The following OSBPL6 variants were observed in gnomAD, a reference collection of about 807,000 sequenced individuals.
OSBPL6 encodes the protein oxysterol-binding protein-related protein 6.
Under a neutral mutation model 125.8 loss-of-function variants are expected in OSBPL6, and 49 were observed. The ratio of observed to expected loss-of-function variants is 0.39; its 90% CI spans 0.31 to 0.49. The LOEUF (loss-of-function observed/expected upper bound fraction) is 0.49, where lower values mean the gene tolerates loss of function less well. OSBPL6 is among the 20% of genes least tolerant of loss of function. OSBPL6 has a pLI of 0.88. For synonymous variants in OSBPL6, 394 were observed against 391.8 expected, an observed-to-expected ratio of 1.01 and a Z score of -0.07; for missense variants, 986 against 1,135.4, an observed-to-expected ratio of 0.87 and a Z score of 1.89.
chr2:178,223,225 A>G (rs772503322), intron 1 of OSBPL6, among the ~76,000 whole-genome samples: 1 of 152,216 alleles, frequency 6.6e-6, no homozygotes, highest in Non-Finnish European at 1.5e-5. Flanking sequence ...GTGATTTTAC[A>G]TTGTCTTAAA....
chr2:178,294,264 A>G (rs995015756), intron 2 of OSBPL6, among the ~76,000 whole-genome samples: 1 of 152,166 alleles, frequency 6.6e-6, no homozygotes, highest in African/African-American at 2.4e-5. Flanking sequence ...GGTTATACCA[A>G]TTTTGAACCT....
chr2:178,262,780 TTCA>T (rs2092104458), intron 1 of OSBPL6, among the ~76,000 whole-genome samples: 1 of 152,178 alleles, frequency 6.6e-6, no homozygotes. Context: ...GGCAACTATA[TTCA>T]TCATCCTAGT....
At chr2:178,244,835 C>T (rs1439928943) in intron 1 of OSBPL6, among the ~76,000 whole-genome samples, 1 of 152,142 alleles carries the variant, frequency 6.6e-6, no homozygotes, top group Non-Finnish European at 1.5e-5. Context: ...CTGTACAGAA[C>T]AGCAAAAATA....
intron 1 of OSBPL6, among the ~76,000 whole-genome samples, chr2:178,251,917 T>G (rs550009167): frequency 2.0e-5 from 3 of 152,304 alleles, no homozygotes; most frequent in Admixed American, 6.5e-5. Flanking sequence ...GAAATATGCT[T>G]TCTTGTATTT....
At position 178,384,154 on chromosome 2, in the gene OSBPL6, G is replaced by T; in HGVS notation, c.1991G>T (p.Gly664Val). Residue 664 changes from glycine (G) to valine (V), a missense_variant, in exon 18 of 25, where the codon GGA becomes GTA. Coordinates refer to ENST00000190611, the MANE Select transcript of OSBPL6 (RefSeq NM_032523.4). ...ETYECIREDK[G>V]FRFFSEQVSH... ...TATGAATGCATTAGAGAAGACAAGG[G>T]ATTCCGCTTTTTCTCAGAACAGGTA... The T allele has an allele frequency of 6.2e-7, 1 of 1,613,956 alleles. No homozygotes were observed. The highest frequency in any genetic ancestry group is 8.5e-7 in the Non-Finnish European group (1 of 1,179,882).
At chr2:178,390,942 T>G in intron 21 of OSBPL6, 131 bp from the exon 22 acceptor site, 58 of 1,214,356 alleles carry the variant, frequency 4.8e-5, no homozygotes, top group Non-Finnish European at 6.2e-5. Flanking sequence ...TAAAACGTTT[T>G]GAGATTTCTG....
rs147093104 is a variant in OSBPL6, at chr2:178,319,042, G to A, written c.103-5135G>A. ...CATTTTACAGATAGAGGACACTGAG[G>A]TTGAAAGAGGTTAATGGTTTGTCTA... On this transcript the variant is annotated intron_variant, in intron 3 of 24. Transcript: ENST00000190611. 2.4e-4 allele frequency among the ~76,000 whole-genome samples: 36 copies of A among 152,300 alleles called. No homozygotes were observed. The East Asian group carries it at 6.7e-3, about 29-fold the overall frequency.
rs139202035 is a variant in OSBPL6, at chr2:178,275,917, C to T, written c.-350-9010C>T. 3.4e-3 allele frequency among the ~76,000 whole-genome samples: 524 copies of T among 152,216 alleles called. 3 individuals are homozygous for T. The highest frequency in any genetic ancestry group is 0.012 in the African/African-American group (496 of 41,544). On this transcript the variant is annotated intron_variant, in intron 1 of 24. Coordinates refer to ENST00000190611, the MANE Select transcript of OSBPL6 (RefSeq NM_032523.4). ...AGAGCTACTTTTTCCAGATGAGGAA[C>T]CCGAGGCACAGAGAAGTAAAATAAT...
chr2:178,351,565 G>A (rs890738793), intron 12 of OSBPL6, among the ~76,000 whole-genome samples: 3 of 152,098 alleles, frequency 2.0e-5, no homozygotes, highest in Non-Finnish European at 4.4e-5. Context: ...AAAAAAATTG[G>A]TGAAAGAAAT....
At chr2:178,256,505 A>G (rs1323979477) in intron 1 of OSBPL6, among the ~76,000 whole-genome samples, 2 of 152,176 alleles carry the variant, frequency 1.3e-5, no homozygotes, top group African/African-American at 4.8e-5. Flanking sequence ...GCAGCTCCTA[A>G]AACCCAGCAG....
chr2:178,211,563 A>C (rs2089863148), intron 1 of OSBPL6, among the ~76,000 whole-genome samples: 1 of 152,182 alleles, frequency 6.6e-6, no homozygotes, highest in African/African-American at 2.4e-5. Flanking sequence ...TCCTGACCTC[A>C]GCCAGATGCC....
chr2:178,252,968 A>G (rs1318906091), intron 1 of OSBPL6, among the ~76,000 whole-genome samples: 1 of 152,124 alleles, frequency 6.6e-6, no homozygotes, highest in Non-Finnish European at 1.5e-5. Flanking sequence ...CATCCCCTAC[A>G]GAGTGGACTA....
At chr2:178,320,504 G>A in intron 3 of OSBPL6, 1 of 1,239,488 alleles carries the variant, frequency 8.1e-7, no homozygotes, top group Non-Finnish European at 1.2e-6. Context: ...GATTTTAGAA[G>A]AATAATTAAC....
In OSBPL6 at chr2:178,384,059, A is replaced by G. The variant is rs772708019; in HGVS notation, c.1896A>G (p.Ala632=). ...YERMVLVAAF[A]VSGYCSTYFR... ...AACAGGTTCTCGTTGCCGCATTTGC[A>G]GTTTCAGGATACTGCTCCACCTATT... The change falls in exon 18 of 25, where the codon GCA becomes GCG. Residue 632 remains alanine (A), a synonymous_variant. Coordinates refer to ENST00000190611, the MANE Select transcript of OSBPL6 (RefSeq NM_032523.4). 2 of 1,613,784 alleles carry G rather than the reference A, an allele frequency of 1.2e-6. No homozygotes were observed. The highest frequency in any genetic ancestry group is 3.3e-5 in the Admixed American group (2 of 59,982).
chr2:178,380,913 T>C (rs1454417269), intron 15 of OSBPL6, among the ~76,000 whole-genome samples: 1 of 152,178 alleles, frequency 6.6e-6, no homozygotes, highest in Non-Finnish European at 1.5e-5. Context: ...TATATAAAGA[T>C]AGATGTGTCA....
At chr2:178,337,949 C>CTTTTT (rs755944128) in intron 9 of OSBPL6, among the ~76,000 whole-genome samples, 1 of 139,150 alleles carries the variant, frequency 7.2e-6, no homozygotes, top group Non-Finnish European at 1.5e-5. Flanking sequence ...TCAGTATTCT[C>CTTTTT]TTTTTTTTTT....
intron 13 of OSBPL6, 140 bp downstream of exon 13, chr2:178,361,955 A>T (rs1692401796): frequency 9.5e-7 from 1 of 1,051,422 alleles, no homozygotes; most frequent in Non-Finnish European, 1.3e-6. Context: ...AAAAGACTGC[A>T]GTGTCAGTAT....
chr2:178,383,333 G>A (rs974381103), intron 17 of OSBPL6, 56 bp downstream of exon 17: 1 of 1,563,674 alleles, frequency 6.4e-7, no homozygotes, highest in Non-Finnish European at 8.6e-7. Context: ...CCTAGACCTG[G>A]GCTAAGCCAG....
chr2:178,383,312 G>T (rs1255518642), intron 17 of OSBPL6, 35 bp downstream of exon 17: 2 of 1,602,850 alleles, frequency 1.2e-6, no homozygotes, highest in South Asian at 1.1e-5. Flanking sequence ...GCCCCTCAGG[G>T]ATTTGCCAAC....
Sources: allele counts gnomAD v4.1 joint callset (sites outside exome capture counted in the v4.1 genomes callset), GRCh38; gene constraint gnomAD v4.1.1; transcripts MANE v1.5; gene names NCBI Gene and HGNC (gene_info 2026-07-23, HGNC 2026-07-21).